METTL25: variants seen among roughly 807,000 people sequenced by gnomAD.
METTL25 encodes methyltransferase like 25, also known as probable methyltransferase-like protein 25.
A neutral mutation model predicts 71.6 loss-of-function variants in METTL25; 64 were observed. The observed-to-expected ratio is 0.89, with a 90% CI of 0.73 to 1.10. The LOEUF (loss-of-function observed/expected upper bound fraction) is 1.10, where lower values mean the gene tolerates loss of function less well. METTL25 is among the 50% of genes least tolerant of loss of function. The probability of loss-of-function intolerance (pLI) is 0.00; values close to 1 mark genes in which losing one functional copy is unlikely to be tolerated. For synonymous variants in METTL25, 287 were observed against 250.3 expected (o/e 1.15, Z -1.38); for missense variants, 807 against 707.0 (o/e 1.14, Z -1.60).
chr12:82,383,231 G>C (rs1884613966), intron 1 of METTL25, among the ~76,000 whole-genome samples: 1 of 152,008 alleles, frequency 6.6e-6, no homozygotes, highest in Non-Finnish European at 1.5e-5. Flanking sequence ...CTGGAGTGCA[G>C]TGGCGCGTTC....
intron 9 of METTL25, among the ~76,000 whole-genome samples, chr12:82,467,201 A>G (rs1892290614): frequency 6.6e-6 from 1 of 151,114 alleles, no homozygotes; most frequent in African/African-American, 2.4e-5. Context: ...ATTCAGGGTT[A>G]TTATTGACAG....
Position 82,457,678 on chromosome 12 carries a change from G to A in METTL25, c.1572+858G>A, listed in dbSNP as rs1391932970. Among the ~76,000 whole-genome samples, 6 of 151,870 alleles carry A rather than the reference G, an allele frequency of 4.0e-5. No individual in the cohort carries two copies. The South Asian group carries it at 8.3e-4, about 21-fold the overall frequency. ...AGGTAATATACATAAAGCTCTTAAC[G>A]CAGTGTATATAGTAAATGCTAACTA... On this transcript the variant is annotated intron_variant, in intron 9 of 11. Coordinates refer to ENST00000248306, the MANE Select transcript of METTL25 (RefSeq NM_032230.3).
At chr12:82,401,537 G>T (rs748584149) in intron 4 of METTL25, among the ~76,000 whole-genome samples, 9 of 151,926 alleles carry the variant, frequency 5.9e-5, no homozygotes, top group Non-Finnish European at 8.8e-5. Context: ...ATCACACTGT[G>T]ACAGAACTTG....
At chr12:82,434,319 G>A (rs1365677225) in intron 6 of METTL25, among the ~76,000 whole-genome samples, 2 of 151,250 alleles carry the variant, frequency 1.3e-5, no homozygotes, top group Non-Finnish European at 3.0e-5. Flanking sequence ...ATCTATGTCT[G>A]TATATGTGCA....
At chr12:82,434,865 GTAAGTTTAC>G in intron 7 of METTL25, 141 bp downstream of exon 7, 1 of 749,788 alleles carries the variant, frequency 1.3e-6, no homozygotes, top group Non-Finnish European at 2.2e-6. Flanking sequence ...TGCATTTTCT[GTAAGTTTAC>G]TTTAAAAGCA....
intron 1 of METTL25, among the ~76,000 whole-genome samples, chr12:82,377,048 G>A (rs1883945573): frequency 6.6e-6 from 1 of 152,044 alleles, no homozygotes; most frequent in South Asian, 2.1e-4. Flanking sequence ...AGGAGGCAGA[G>A]GTTGCACTGA....
At chr12:82,423,235 CT>C (rs1888685860) in intron 5 of METTL25, among the ~76,000 whole-genome samples, 1 of 152,170 alleles carries the variant, frequency 6.6e-6, no homozygotes, top group South Asian at 2.1e-4. Flanking sequence ...AGAAATAATA[CT>C]ACACATCTAC....
rs148369896 is a variant in METTL25, at chr12:82,441,145, G to A, written c.1478+2354G>A. ...TAAGAGTTAAGAGTGAACTAGAATA[G>A]TCCTGAAATGAGTAAAGCCCCATTT... is the stretch of plus-strand genomic sequence containing the variant. On this transcript the variant is annotated intron_variant, in intron 8 of 11. Transcript: ENST00000248306. 2.5e-3 allele frequency among the ~76,000 whole-genome samples: 382 copies of A among 152,114 alleles called. 2 individuals carry two copies. The highest frequency in any genetic ancestry group is 4.2e-3 in the Admixed American group (64 of 15,246).
At chr12:82,393,502 A>G (rs1314396630) in intron 3 of METTL25, among the ~76,000 whole-genome samples, 1 of 152,028 alleles carries the variant, frequency 6.6e-6, no homozygotes, top group Non-Finnish European at 1.5e-5. Flanking sequence ...GAATTTCTTT[A>G]TCAGTTCTAA....
intron 3 of METTL25, among the ~76,000 whole-genome samples, 164 bp downstream of exon 3, chr12:82,390,086 G>A (rs1334588704): frequency 6.6e-6 from 1 of 151,954 alleles, no homozygotes; most frequent in Non-Finnish European, 1.5e-5. Flanking sequence ...AGCATACACT[G>A]TTATTTCCTA....
intron 1 of METTL25, among the ~76,000 whole-genome samples, chr12:82,359,660 T>G (rs2136771953): frequency 6.6e-6 from 1 of 152,242 alleles, no homozygotes; most frequent in Non-Finnish European, 1.5e-5. Context: ...AAAAACTATT[T>G]TAAAGTACCT....
At chr12:82,370,806 C>T (rs546453826) in intron 1 of METTL25, among the ~76,000 whole-genome samples, 1 of 152,062 alleles carries the variant, frequency 6.6e-6, no homozygotes, top group African/African-American at 2.4e-5. Context: ...CTTTCTGTCT[C>T]TTTCTCTCTT....
At chr12:82,395,432 G>A (rs557186357) in intron 3 of METTL25, among the ~76,000 whole-genome samples, 1 of 152,122 alleles carries the variant, frequency 6.6e-6, no homozygotes, top group East Asian at 1.9e-4. Context: ...GGCTCAGGAT[G>A]GAGTTGGTAT....
rs1213854614 is a variant in METTL25 at position 82,358,837 on chromosome 12, G to A, written c.259+13G>A. 1.9e-6 allele frequency: 3 copies of A among 1,594,790 alleles called. No homozygotes were observed. The highest frequency in any genetic ancestry group is 1.4e-5 in the African/African-American group (1 of 73,948). ...GAGTGGGAAGCAGGTGGGTGGTGGG[G>A]TAGGCGGGGCGGGAAGGGAGGCGGA... On this transcript the variant is annotated intron_variant, in intron 1 of 11. Transcript: ENST00000248306.
intron 9 of METTL25, among the ~76,000 whole-genome samples, chr12:82,460,921 A>T (rs1427076126): frequency 6.6e-6 from 1 of 152,196 alleles, no homozygotes; most frequent in Non-Finnish European, 1.5e-5. Context: ...AGGCGGGCGG[A>T]TCACAAGGTT....
chr12:82,396,223 A>G (rs1886070535), intron 3 of METTL25, among the ~76,000 whole-genome samples: 1 of 152,112 alleles, frequency 6.6e-6, no homozygotes, highest in Non-Finnish European at 1.5e-5. Flanking sequence ...TTCTCAGAAC[A>G]TATTCCCATC....
chr12:82,467,977 AT>A (rs984880238), intron 9 of METTL25, among the ~76,000 whole-genome samples: 2 of 150,680 alleles, frequency 1.3e-5, no homozygotes. Context: ...GCTTTTTTTT[AT>A]TTTTTTGTTT....
At chr12:82,377,526 A>T (rs1051325163) in intron 1 of METTL25, among the ~76,000 whole-genome samples, 14 of 152,254 alleles carry the variant, frequency 9.2e-5, no homozygotes, top group African/African-American at 3.1e-4. Context: ...TAATAATGAA[A>T]ATACTGGAGA....
intron 1 of METTL25, among the ~76,000 whole-genome samples, chr12:82,379,340 T>A (rs1035382421): frequency 3.3e-5 from 5 of 152,212 alleles, no homozygotes; most frequent in Non-Finnish European, 7.3e-5. Context: ...TTTAGTATAC[T>A]TTACATCACT....
Sources: allele counts gnomAD v4.1 joint callset (sites outside exome capture counted in the v4.1 genomes callset), GRCh38; gene constraint gnomAD v4.1.1; transcripts MANE v1.5; gene names NCBI Gene and HGNC (gene_info 2026-07-23, HGNC 2026-07-21).